Variants in MYH16 observed in about 807,000 individuals in gnomAD.
MYH16 encodes putative uncharacterized protein MYH16.
intron 21 of MYH16, among the ~76,000 whole-genome samples, chr7:99,278,824 C>T (rs1315587723): frequency 6.6e-6 from 1 of 152,174 alleles, no homozygotes; most frequent in African/African-American, 2.4e-5. Flanking sequence ...TCTTCATACC[C>T]CTGAGAAGTT....
intron 17 of MYH16, among the ~76,000 whole-genome samples, chr7:99,266,162 C>G (rs1050997605): frequency 2.0e-5 from 3 of 152,204 alleles, no homozygotes; most frequent in African/African-American, 7.2e-5. Context: ...TGCCCATTTC[C>G]ATGATGTAAA....
At chr7:99,297,613 T>C (rs1562786717) in intron 34 of MYH16, 47 bp from the exon 16 acceptor site, 2 of 441,224 alleles carry the variant, frequency 4.5e-6, no homozygotes, top group African/African-American at 2.0e-5. Context: ...CCACCTGCCA[T>C]GACCCTGGAA....
At chr7:99,250,396 C>T (rs1246821786) in intron 5 of MYH16, among the ~76,000 whole-genome samples, 2 of 152,136 alleles carry the variant, frequency 1.3e-5, no homozygotes, top group Non-Finnish European at 2.9e-5. Flanking sequence ...GCCCTGGCTG[C>T]CCCAGGGGCA....
intron 36 of MYH16, among the ~76,000 whole-genome samples, chr7:99,299,113 G>A (rs1792550323): frequency 6.6e-6 from 1 of 151,872 alleles, no homozygotes; most frequent in Non-Finnish European, 1.5e-5. Context: ...TGGGTGTGGT[G>A]GTATGGCCTG....
intron 27 of MYH16, among the ~76,000 whole-genome samples, chr7:99,286,036 G>A (rs887014740): frequency 6.6e-6 from 1 of 152,244 alleles, no homozygotes; most frequent in Non-Finnish European, 1.5e-5. Context: ...AGGCCCCCCA[G>A]GCATAGAATC....
At chr7:99,283,540 C>T (rs555817723) in intron 23 of MYH16, 25 bp from the exon 6 acceptor site, 1 of 455,450 alleles carries the variant, frequency 2.2e-6, no homozygotes, top group Non-Finnish European at 4.4e-6. Context: ...CCTCGTGGCA[C>T]TCACGTGTGT....
intron 33 of MYH16, among the ~76,000 whole-genome samples, chr7:99,295,816 G>A (rs980953417): frequency 7.0e-6 from 1 of 141,940 alleles, no homozygotes; most frequent in Non-Finnish European, 1.5e-5. Context: ...CTGGGTGACA[G>A]AGTGAGACCT....
chr7:99,272,684 T>C (rs933714166), intron 19 of MYH16, among the ~76,000 whole-genome samples, 155 bp from the exon 1 acceptor site: 2 of 151,880 alleles, frequency 1.3e-5, no homozygotes, highest in African/African-American at 2.4e-5. Context: ...GAGTACAAAG[T>C]TCCAGTGAGC....
intron 26 of MYH16, 127 bp from the exon 9 acceptor site, chr7:99,285,255 G>A: frequency 2.5e-6 from 1 of 407,480 alleles, no homozygotes; most frequent in Non-Finnish European, 4.9e-6. Context: ...TCTGGGATCT[G>A]CCTCTCTCTG....
chr7:99,300,838 C>A (rs1254752145), intron 37 of MYH16, among the ~76,000 whole-genome samples: 2 of 151,854 alleles, frequency 1.3e-5, no homozygotes, highest in Non-Finnish European at 2.9e-5. Flanking sequence ...GACAAACATC[C>A]CCAAGCAGAC....
intron 33 of MYH16, among the ~76,000 whole-genome samples, chr7:99,295,817 A>T (rs927018090): frequency 8.1e-6 from 1 of 123,422 alleles, no homozygotes. Context: ...TGGGTGACAG[A>T]GTGAGACCTC....
intron 23 of MYH16, among the ~76,000 whole-genome samples, chr7:99,282,329 C>T (rs551170334): frequency 6.2e-4 from 94 of 152,230 alleles, no homozygotes; most frequent in African/African-American, 2.1e-3. Context: ...CCCGGCCTCA[C>T]AGTGGTTATG....
Position 99,285,363 on chromosome 7 carries a change from T to G in MYH16, n.3317-19T>G, listed in dbSNP as rs1023750576. 2.0e-5 allele frequency: 9 copies of G among 456,438 alleles called. No individual in the cohort carries two copies. The highest frequency in any genetic ancestry group is 1.8e-4 in the African/African-American group (9 of 50,040). The allele number at this position is 456,438 out of a possible 1,614,324, so 28.3% of individuals were successfully genotyped here. On this transcript the variant is annotated intron_variant and non_coding_transcript_variant, in intron 26 of 41. Transcript: ENST00000439784. ...CTTTGCCTGGCAGAGATGAATCCCCTCCCTCCTCTGTCTGCTAGGACCGAA... is the reference window on the plus strand; with the variant it reads ...CTTTGCCTGGCAGAGATGAATCCCCGCCCTCCTCTGTCTGCTAGGACCGAA...
chr7:99,249,622 C>T (rs6966842), intron 4 of MYH16, among the ~76,000 whole-genome samples: 97,682 of 137,314 alleles, frequency 0.71, 38,096 homozygotes, highest in Non-Finnish European at 0.87. Context: ...CTCTGCCACC[C>T]GGGCTGGAGT....
At chr7:99,273,992 A>G (rs1290286004) in intron 20 of MYH16, among the ~76,000 whole-genome samples, 1 of 152,194 alleles carries the variant, frequency 6.6e-6, no homozygotes, top group Non-Finnish European at 1.5e-5. Context: ...TAAGATGGAG[A>G]GCGCCATACC....
intron 18 of MYH16, among the ~76,000 whole-genome samples, chr7:99,267,427 ACT>A (rs1791998614): frequency 6.6e-6 from 1 of 151,980 alleles, no homozygotes; most frequent in African/African-American, 2.4e-5. Context: ...ATGGGGTCTC[ACT>A]CTGTTGCCCA....
chr7:99,292,776 A>G (rs1467441602), intron 32 of MYH16, among the ~76,000 whole-genome samples: 1 of 152,042 alleles, frequency 6.6e-6, no homozygotes, highest in Non-Finnish European at 1.5e-5. Flanking sequence ...CCCGGGCTAC[A>G]TGGTGAGATC....
intron 11 of MYH16, among the ~76,000 whole-genome samples, chr7:99,258,698 A>G (rs976233318): frequency 1.3e-5 from 2 of 152,166 alleles, no homozygotes; most frequent in Non-Finnish European, 2.9e-5. Flanking sequence ...GCCAGTTGAC[A>G]TCATGTTGAT....
intron 20 of MYH16, among the ~76,000 whole-genome samples, chr7:99,277,025 T>G: frequency 6.9e-6 from 1 of 144,110 alleles, no homozygotes; most frequent in African/African-American, 2.6e-5. Context: ...GAGATAGGAA[T>G]GGCATGAGAG....
Sources: gnomAD v4.1 joint callset for allele counts (sites outside exome capture counted in the v4.1 genomes callset) on GRCh38, gnomAD v4.1.1 for gene constraint, MANE v1.5 for transcripts, NCBI Gene and HGNC (gene_info 2026-07-23, HGNC 2026-07-21) for gene names.